The following SPTB variants were observed in gnomAD, a reference collection of about 807,000 sequenced individuals.
SPTB encodes the protein spectrin beta chain, erythrocytic.
Under a neutral mutation model 256.2 loss-of-function variants are expected in SPTB, and 45 were observed. The observed-to-expected ratio is 0.18, with a 90% CI of 0.14 to 0.23. SPTB has a LOEUF of 0.23. Among genes scored for constraint, SPTB ranks in the 10% least tolerant of loss-of-function variants. The probability of loss-of-function intolerance (pLI) is 1.00; values close to 1 mark genes in which losing one functional copy is unlikely to be tolerated. For synonymous variants in SPTB, 1,231 were observed against 1,243.1 expected (o/e 0.99, Z 0.21); for missense variants, 2,715 against 3,040.4 (o/e 0.89, Z 2.52).
intron 32 of SPTB, among the ~76,000 whole-genome samples, chr14:64,765,756 T>A (rs2082160267): frequency 6.6e-6 from 1 of 151,138 alleles, no homozygotes; most frequent in African/African-American, 2.4e-5. Flanking sequence ...ACTTCACCAC[T>A]GAAGATGCCT....
intron 1 of SPTB, among the ~76,000 whole-genome samples, chr14:64,835,366 C>G (rs981756668): frequency 2.6e-5 from 4 of 152,202 alleles, no homozygotes; most frequent in Non-Finnish European, 5.9e-5. Flanking sequence ...CTGCCTCAGC[C>G]TCCTGAGTAG....
chr14:64,769,537 C>G, intron 28 of SPTB, 53 bp downstream of exon 28: 2 of 1,608,904 alleles, frequency 1.2e-6, no homozygotes, highest in Non-Finnish European at 1.7e-6. Context: ...GCCTGGCTGG[C>G]ACAGTGGGGA....
Position 64,767,741 on chromosome 14 carries a change from G to A in SPTB, c.6141C>T (p.Leu2047=), listed in dbSNP as rs776059582. The change falls in exon 30 of 36, where the codon CTC becomes CTT. Residue 2047 remains leucine (L), a synonymous_variant. Coordinates refer to ENST00000644917, the MANE Select transcript of SPTB (RefSeq NM_001355436.2). Reference sequence around the variant, plus strand: ...TCTCAAAAGCCTCATGCCTCTTGATGAGCTTCTCCACACTGTCCACTGTGT... The same window carrying A: ...TCTCAAAAGCCTCATGCCTCTTGATAAGCTTCTCCACACTGTCCACTGTGT... ...FGHTVDSVEK[L]IKRHEAFEKS... The A allele has an allele frequency of 6.2e-7, 1 of 1,614,168 alleles. No individual in the cohort carries two copies. Among genetic ancestry groups the A allele is most frequent in the Non-Finnish European group, 8.5e-7 (1 of 1,180,040 alleles).
chr14:64,871,982 T>C (rs1882557481), intron 1 of SPTB, among the ~76,000 whole-genome samples: 1 of 152,250 alleles, frequency 6.6e-6, no homozygotes, highest in Non-Finnish European at 1.5e-5. Flanking sequence ...ATAAACGTTG[T>C]GGGACTGATC....
At chr14:64,768,121 A>C in intron 29 of SPTB, 1 of 529,318 alleles carries the variant, frequency 1.9e-6, no homozygotes, top group East Asian at 3.4e-5. Flanking sequence ...GGCTCATGGC[A>C]GCCTCAGCCT....
Position 64,813,374 on chromosome 14 carries a change from G to A in SPTB, c.149-8284C>T, listed in dbSNP as rs535144579. Among the ~76,000 whole-genome samples, 7 of 152,272 alleles carry A rather than the reference G, an allele frequency of 4.6e-5. No individual in the cohort carries two copies. In the South Asian group the frequency reaches 1.4e-3, roughly 32 times the overall value. ...AGTAGGAGCCAAGGCACCATGGGAG[G>A]CCCATGGACCATGAGCCTTCTGAAA... On this transcript the variant is annotated intron_variant, in intron 2 of 35. Coordinates refer to ENST00000644917, the MANE Select transcript of SPTB (RefSeq NM_001355436.2).
intron 1 of SPTB, among the ~76,000 whole-genome samples, chr14:64,863,726 G>T (rs1881992781): frequency 6.6e-6 from 1 of 152,206 alleles, no homozygotes; most frequent in Non-Finnish European, 1.5e-5. Flanking sequence ...ATTAAAAAAT[G>T]CTTGGTTTCA....
chr14:64,835,613 C>T (rs1360604190), intron 1 of SPTB, among the ~76,000 whole-genome samples: 1 of 152,142 alleles, frequency 6.6e-6, no homozygotes, highest in African/African-American at 2.4e-5. Context: ...CCACTAGAGT[C>T]GATTCAGCCC....
In SPTB at chr14:64,779,700, T is replaced by C; in HGVS notation, c.4473+25A>G. On this transcript the variant is annotated intron_variant, in intron 21 of 35. Coordinates refer to ENST00000644917, the MANE Select transcript of SPTB (RefSeq NM_001355436.2). This position sits in a 1 kb window ranked among gnomAD's most constrained non-coding sequence, Gnocchi z 4.2. Reference sequence around the variant, plus strand: ...CAGCTGGTGGCTCAGCCTCAGGAGGTAGGGAGAAGCTGTGGCCCACGCACC... The same window carrying C: ...CAGCTGGTGGCTCAGCCTCAGGAGGCAGGGAGAAGCTGTGGCCCACGCACC... 6.2e-7 allele frequency: 1 copy of C among 1,613,706 alleles called. No homozygotes were observed. The highest frequency in any genetic ancestry group is 1.7e-5 in the Admixed American group (1 of 60,012).
rs2083326340 is a variant in SPTB, at chr14:64,823,289, A to G, written c.-51-144T>C. The G allele has an allele frequency of 8.8e-6, 6 of 680,956 alleles. No homozygotes were observed. The highest frequency in any genetic ancestry group is 2.2e-5 in the Admixed American group (1 of 46,202). The allele number at this position is 680,956 out of a possible 1,614,324, so 42.2% of individuals were successfully genotyped here. ...CATCTGCCTGGGCGTGCTTCCTACC[A>G]GGGTCTCTGGGTCGTTTGTTATAAA... is the stretch of plus-strand genomic sequence containing the variant. On this transcript the variant is annotated intron_variant, in intron 1 of 35. Coordinates refer to ENST00000644917, the MANE Select transcript of SPTB (RefSeq NM_001355436.2). This position sits in a 1 kb window ranked among gnomAD's most constrained non-coding sequence, Gnocchi z 6.5.
chr14:64,830,001 A>T (rs1205735293), intron 1 of SPTB, among the ~76,000 whole-genome samples: 5 of 151,936 alleles, frequency 3.3e-5, no homozygotes, highest in African/African-American at 1.2e-4. Flanking sequence ...GCTCCTTCTC[A>T]TTCCTCAGAT....
At chr14:64,833,394 T>C (rs999092285) in intron 1 of SPTB, among the ~76,000 whole-genome samples, 16 of 151,792 alleles carry the variant, frequency 1.1e-4, no homozygotes, top group African/African-American at 3.6e-4. Context: ...CTACTAAAAA[T>C]ACAAAAATTA....
At chr14:64,770,425 G>A (rs1327821660) in intron 27 of SPTB, among the ~76,000 whole-genome samples, 1 of 152,222 alleles carries the variant, frequency 6.6e-6, no homozygotes, top group African/African-American at 2.4e-5. Flanking sequence ...ACTGGGCAGA[G>A]TGGTCTGATC....
At chr14:64,789,179 C>T (rs562254469) in intron 15 of SPTB, among the ~76,000 whole-genome samples, 1 of 152,046 alleles carries the variant, frequency 6.6e-6, no homozygotes, top group African/African-American at 2.4e-5. Flanking sequence ...AGTGAGACCT[C>T]ATCTCTACAA....
intron 1 of SPTB, among the ~76,000 whole-genome samples, chr14:64,860,479 G>A (rs568344388): frequency 6.6e-6 from 1 of 151,972 alleles, no homozygotes; most frequent in Non-Finnish European, 1.5e-5. Flanking sequence ...CACCCAGGTA[G>A]GCGCACATGT....
intron 27 of SPTB, among the ~76,000 whole-genome samples, chr14:64,770,171 G>A (rs2082256326): frequency 6.6e-6 from 1 of 152,206 alleles, no homozygotes; most frequent in South Asian, 2.1e-4. Flanking sequence ...GGACTAGGAA[G>A]AGAGGGGAAT....
intron 2 of SPTB, among the ~76,000 whole-genome samples, chr14:64,821,910 T>A (rs145422196): frequency 2.4e-3 from 360 of 152,226 alleles, no homozygotes; most frequent in African/African-American, 8.2e-3. Flanking sequence ...CTTCAAGGTC[T>A]GCCAGGGACT....
Position 64,778,581 on chromosome 14 carries a change from G to C in SPTB, c.4563+576C>G, listed in dbSNP as rs17102094. Among the ~76,000 whole-genome samples, 2 of 152,200 alleles carry C rather than the reference G, an allele frequency of 1.3e-5. No individual in the cohort carries two copies. The highest frequency in any genetic ancestry group is 2.9e-5 in the Non-Finnish European group (2 of 68,032). ...CAGGATCCTGACCAGGGCCACAGGA[G>C]TTCCCAATCAGGGCTAAGCGAGTGC... On this transcript the variant is annotated intron_variant, in intron 22 of 35. Transcript: ENST00000644917. The surrounding 1 kb of genome is among the most constrained non-coding windows in gnomAD (Gnocchi z 5.2).
At chr14:64,798,990 T>C (rs1235771637) in intron 9 of SPTB, among the ~76,000 whole-genome samples, 1 of 152,234 alleles carries the variant, frequency 6.6e-6, no homozygotes, top group African/African-American at 2.4e-5. Flanking sequence ...TGGTTGTATA[T>C]ATGTATGTGC....
Sources: allele counts gnomAD v4.1 joint callset (sites outside exome capture counted in the v4.1 genomes callset), GRCh38; gene constraint gnomAD v4.1.1; non-coding constraint Gnocchi (gnomAD v3.1); transcripts MANE v1.5; gene names NCBI Gene and HGNC (gene_info 2026-07-23, HGNC 2026-07-21).